GPC6: variants seen among roughly 807,000 people sequenced by gnomAD.
The protein encoded by GPC6 is glypican-6.
In GPC6, 14 loss-of-function variants were observed where a neutral mutation model predicts 55.2. That is an observed-to-expected ratio of 0.25 (90% CI 0.17 to 0.40). The LOEUF is 0.40. Ranked by LOEUF, GPC6 falls within the 10% of genes least tolerant of loss-of-function variation. The pLI is 1.00. For synonymous variants in GPC6, 278 were observed against 259.6 expected, an observed-to-expected ratio of 1.07 and a Z score of -0.68; for missense variants, 641 against 708.5, an observed-to-expected ratio of 0.90 and a Z score of 1.08.
chr13:93,978,030 A>G (rs994712738), intron 3 of GPC6, among the ~76,000 whole-genome samples: 1 of 152,210 alleles, frequency 6.6e-6, no homozygotes, highest in Non-Finnish European at 1.5e-5. Flanking sequence ...GGATTATCCA[A>G]GTGGACTCAG....
At chr13:94,260,713 G>C (rs1891632741) in intron 4 of GPC6, among the ~76,000 whole-genome samples, 1 of 152,096 alleles carries the variant, frequency 6.6e-6, no homozygotes, top group African/African-American at 2.4e-5. Context: ...ATAGGGCCTG[G>C]TGACTACTGA....
intron 1 of GPC6, among the ~76,000 whole-genome samples, chr13:93,298,455 G>C (rs1303303845): frequency 6.6e-6 from 1 of 152,020 alleles, no homozygotes. Flanking sequence ...GTGTTTTTCA[G>C]ACAGGGTCCC....
chr13:94,172,847 A>G (rs891697730), intron 4 of GPC6, among the ~76,000 whole-genome samples: 3 of 152,208 alleles, frequency 2.0e-5, no homozygotes, highest in Non-Finnish European at 2.9e-5. Context: ...GTTCAGGCAA[A>G]AAGGCTTGAG....
chr13:93,347,521 A>G (rs1286265957), intron 1 of GPC6, among the ~76,000 whole-genome samples: 1 of 152,160 alleles, frequency 6.6e-6, no homozygotes. Flanking sequence ...ATGAGAGGGC[A>G]TGAGAAGCAA....
intron 1 of GPC6, among the ~76,000 whole-genome samples, chr13:93,322,505 C>T (rs533163225): frequency 1.5e-4 from 20 of 132,552 alleles, no homozygotes; most frequent in African/African-American, 4.7e-4. Context: ...GGTGCATTCT[C>T]GGCTCACTGC....
chr13:93,334,669 C>A (rs1291346550), intron 1 of GPC6, among the ~76,000 whole-genome samples: 2 of 151,206 alleles, frequency 1.3e-5, no homozygotes, highest in Admixed American at 1.3e-4. Flanking sequence ...GTTTCACCAT[C>A]TTGGCTGGGA....
intron 4 of GPC6, among the ~76,000 whole-genome samples, chr13:94,260,859 A>G (rs754774511): frequency 6.6e-6 from 1 of 152,126 alleles, no homozygotes; most frequent in Non-Finnish European, 1.5e-5. Context: ...CACTAGAAAC[A>G]AGTTGGAGGG....
chr13:94,221,435 C>A (rs1225421018), intron 4 of GPC6, among the ~76,000 whole-genome samples: 1 of 152,042 alleles, frequency 6.6e-6, no homozygotes, highest in Non-Finnish European at 1.5e-5. Flanking sequence ...CATCTCTAAG[C>A]CAACTTATTT....
rs147475163 is a variant in GPC6, at chr13:94,181,273, C to T, written c.878-105076C>T. Among the ~76,000 whole-genome samples the T allele has an allele frequency of 2.0e-4, 30 of 152,188 alleles. No homozygotes were observed. The East Asian group carries it at 4.1e-3, about 21-fold the overall frequency. ...ACTTGCTGGTTTTGTGGCTCAGGGT[C>T]GCCATCACTGTCCTACCAATATTTG... On this transcript the variant is annotated intron_variant, in intron 4 of 8. Transcript: ENST00000377047.
chr13:93,646,720 T>C (rs1017394871), intron 2 of GPC6, among the ~76,000 whole-genome samples: 4 of 152,156 alleles, frequency 2.6e-5, no homozygotes, highest in African/African-American at 9.6e-5. Flanking sequence ...TTAGTTCCTA[T>C]AACTTGTGAG....
chr13:93,632,636 T>TGTGTGTGTATATATATATATATAA (rs1879508441), intron 2 of GPC6, among the ~76,000 whole-genome samples: 2 of 128,292 alleles, frequency 1.6e-5, no homozygotes, highest in Non-Finnish European at 3.4e-5. Flanking sequence ...TATATATATA[T>TGTGTGTGTATATATATATATATAA]AATAAAATAA....
At chr13:94,022,349 T>C (rs911253262) in intron 3 of GPC6, among the ~76,000 whole-genome samples, 7 of 152,058 alleles carry the variant, frequency 4.6e-5, no homozygotes, top group African/African-American at 1.7e-4. Context: ...TATTTTTCTT[T>C]CTGTGTCTGG....
At chr13:94,049,931 G>A (rs1044637982) in intron 4 of GPC6, among the ~76,000 whole-genome samples, 5 of 152,086 alleles carry the variant, frequency 3.3e-5, no homozygotes, top group Non-Finnish European at 7.4e-5. Context: ...TAGTGAATAA[G>A]TCTCATGAGA....
At chr13:94,276,582 A>G (rs1892215939) in intron 4 of GPC6, among the ~76,000 whole-genome samples, 1 of 151,612 alleles carries the variant, frequency 6.6e-6, no homozygotes, top group African/African-American at 2.4e-5. Flanking sequence ...CCATCCTCTA[A>G]GTTCCCACCC....
chr13:94,072,761 C>G lies in GPC6; in HGVS notation c.877+44867C>G, dbSNP rs188036555. ...TCAAGATATTTGTGGTCTGCAGGAACAAGACAAACGAGTCAAATAGCAATG... is the reference window on the plus strand; with the variant it reads ...TCAAGATATTTGTGGTCTGCAGGAAGAAGACAAACGAGTCAAATAGCAATG... On this transcript the variant is annotated intron_variant, in intron 4 of 8. Transcript: ENST00000377047. Among the ~76,000 whole-genome samples, 346 of 152,302 alleles carry G rather than the reference C, an allele frequency of 2.3e-3. 5 individuals are homozygous for G. Among genetic ancestry groups the G allele is most frequent in the Non-Finnish European group, 1.5e-3 (105 of 68,024 alleles).
At chr13:94,110,488 A>G (rs533524434) in intron 4 of GPC6, among the ~76,000 whole-genome samples, 2 of 152,228 alleles carry the variant, frequency 1.3e-5, no homozygotes, top group East Asian at 1.9e-4. Flanking sequence ...CAAGTAGAAC[A>G]GTAGGAGAAA....
intron 3 of GPC6, among the ~76,000 whole-genome samples, chr13:93,895,066 A>G (rs554993148): frequency 9.3e-5 from 14 of 150,580 alleles, no homozygotes; most frequent in Non-Finnish European, 1.8e-4. Flanking sequence ...CAGCAAATAT[A>G]TATATTTTCA....
At chr13:94,331,169 G>A (rs984326382) in intron 6 of GPC6, among the ~76,000 whole-genome samples, 10 of 152,140 alleles carry the variant, frequency 6.6e-5, no homozygotes, top group Non-Finnish European at 1.3e-4. Flanking sequence ...TTTCTTTGCA[G>A]CAATCAGCAA....
intron 4 of GPC6, among the ~76,000 whole-genome samples, chr13:94,031,206 A>G (rs1292354949): frequency 6.6e-6 from 1 of 152,210 alleles, no homozygotes; most frequent in African/African-American, 2.4e-5. Context: ...AGTTCCCTGC[A>G]CAGAGGAATT....
Sources: allele counts gnomAD v4.1 joint callset (sites outside exome capture counted in the v4.1 genomes callset), GRCh38; gene constraint gnomAD v4.1.1; transcripts MANE v1.5; gene names NCBI Gene and HGNC (gene_info 2026-07-23, HGNC 2026-07-21).